Variants in MYO9B observed in about 807,000 individuals in gnomAD.
MYO9B encodes the protein myosin IXB.
MYO9B carries 71 observed loss-of-function variants against 229.5 expected under a neutral mutation model. The ratio of observed to expected loss-of-function variants is 0.31; its 90% CI spans 0.26 to 0.38. The LOEUF (loss-of-function observed/expected upper bound fraction) is 0.38. Among genes scored for constraint, MYO9B ranks in the 10% least tolerant of loss-of-function variants. The probability of loss-of-function intolerance (pLI) is 1.00; values close to 1 mark genes in which losing one functional copy is unlikely to be tolerated. For missense variants in MYO9B, 2,255 were observed against 2,920.5 expected, an observed-to-expected ratio of 0.77 and a Z score of 5.25; for synonymous variants, 1,185 against 1,235.8, an observed-to-expected ratio of 0.96 and a Z score of 0.86.
At position 17,212,471 on chromosome 19, in the gene MYO9B, AG is replaced by A. The variant is rs755539133; in HGVS notation, c.*164del. 362 of 888,892 alleles carry A rather than the reference AG, an allele frequency of 4.1e-4. No homozygotes were observed. Among genetic ancestry groups the A allele is most frequent in the Non-Finnish European group, 5.4e-4 (339 of 630,664 alleles). 55.1% of individuals were successfully genotyped at this position (888,892 alleles called of 1,614,324 possible). A position where few individuals can be genotyped will look rare whatever the true frequency, so the allele number is the denominator to read the frequency against. ...CCGGCCCCAAGTGCAGAGTCAAGGC[AG>A]GGAGAGGCCGGCTGGAGCCAGGCCC... is the stretch of plus-strand genomic sequence containing the variant. On this transcript the variant is annotated 3_prime_UTR_variant, in exon 40 of 40. Coordinates refer to ENST00000682292, the MANE Select transcript of MYO9B (RefSeq NM_004145.4). This position sits in a 1 kb window ranked among gnomAD's most constrained non-coding sequence, Gnocchi z 5.4.
At position 17,181,036 on chromosome 19, in the gene MYO9B, A is replaced by C. The variant is rs1171444204; in HGVS notation, c.2329A>C (p.Ile777Leu). 6.2e-7 allele frequency: 1 copy of C among 1,604,274 alleles called. No individual in the cohort carries two copies. The highest frequency in any genetic ancestry group is 1.3e-5 in the African/African-American group (1 of 74,578). The change falls in exon 15 of 40, where the codon ATC (isoleucine) becomes CTC (leucine). Residue 777 changes from isoleucine (I) to leucine (L), a missense_variant. By Grantham distance (5) the Ile-to-Leu change is conservative (BLOSUM62 2). This residue lies in a region of MYO9B where 155 missense variants were observed against 159.1 expected (regional missense o/e 0.97). Coordinates refer to ENST00000682292, the MANE Select transcript of MYO9B (RefSeq NM_004145.4). Reference sequence around the variant, plus strand: ...TCGGCTCCAGAAACCCCGCGCCTTCATCCTGTGAGTCCCCCACCAAGGCCC... The same window carrying C: ...TCGGCTCCAGAAACCCCGCGCCTTCCTCCTGTGAGTCCCCCACCAAGGCCC... Reference protein sequence around the residue: ...LSRLQKPRAFILKSKGIKQKQ... With the variant: ...LSRLQKPRAFLLKSKGIKQKQ...
At chr19:17,148,445 T>A (rs772065900) in intron 3 of MYO9B, among the ~76,000 whole-genome samples, 2 of 152,196 alleles carry the variant, frequency 1.3e-5, no homozygotes, top group Non-Finnish European at 2.9e-5. Flanking sequence ...TATCAAGGTG[T>A]CCACAGGGCT....
Position 17,183,834 on chromosome 19 carries a change from G to T in MYO9B, c.2339G>T (p.Ser780Ile). 1 of 1,570,138 alleles carries T rather than the reference G, an allele frequency of 6.4e-7. No individual in the cohort carries two copies. The change falls in exon 16 of 40, where the codon AGT becomes ATT. Residue 780 changes from serine to isoleucine, a missense_variant. Ser to Ile is a moderately radical substitution (Grantham distance 142). Around this residue, in one of 7 missense-constraint regions of MYO9B, gnomAD observed 155 missense variants for 159.1 expected, o/e 0.97. Transcript: ENST00000682292. ...CATTTTTAATATTTTGACAGGAAAA[G>T]TAAAGGTATCAAACAAAAGCAGATC... is the stretch of plus-strand genomic sequence containing the variant. The part of the protein sequence containing the change: ...LQKPRAFILK[S>I]KGIKQKQIIP...
At chr19:17,188,838 C>G (rs1389331693) in intron 19 of MYO9B, among the ~76,000 whole-genome samples, 1 of 151,962 alleles carries the variant, frequency 6.6e-6, no homozygotes, top group Non-Finnish European at 1.5e-5. Context: ...CATAGTGAGA[C>G]CCCATCTCTG....
intron 2 of MYO9B, among the ~76,000 whole-genome samples, chr19:17,137,960 G>A (rs996535429): frequency 6.7e-5 from 10 of 149,890 alleles, no homozygotes; most frequent in South Asian, 6.3e-4. Context: ...GTGCAGTTTC[G>A]TTACATAGGT....
Position 17,195,243 on chromosome 19 carries a change from C to T in MYO9B, c.3816C>T (p.Pro1272=), listed in dbSNP as rs372613731. 998 of 1,612,384 alleles carry T rather than the reference C, an allele frequency of 6.2e-4. 15 individuals are homozygous for T. In the South Asian group the frequency reaches 0.01, roughly 17 times the overall value. Residue 1272 remains proline (P), a synonymous_variant, in exon 22 of 40, where the codon CCC becomes CCT. Transcript: ENST00000682292. This position sits in a 1 kb window ranked among gnomAD's most constrained non-coding sequence, Gnocchi z 4.5. ...CCCCTGGCAGCGCCCCCGAGACCCC[C>T]GAGGACAAGAGCAAACCATGTGGCA... ...PPAPGSAPET[P]EDKSKPCGSP...
At chr19:17,132,200 T>TG in intron 2 of MYO9B, among the ~76,000 whole-genome samples, 1 of 141,986 alleles carries the variant, frequency 7.0e-6, no homozygotes, top group African/African-American at 2.6e-5. Flanking sequence ...TTTTTTTTTT[T>TG]TTTGAGACAG....
chr19:17,211,701 G>A lies in MYO9B; in HGVS notation c.5985G>A (p.Glu1995=), dbSNP rs374173078. ...TGGACCCAAGGGGCTCGGACGAGGA[G>A]AACCTGGACTCGGAGACGTCGGCCA... is the stretch of plus-strand genomic sequence containing the variant. ...PELDPRGSDE[E]NLDSETSAST... The change falls in exon 39 of 40, where the codon GAG becomes GAA. Residue 1995 remains glutamate, a synonymous_variant. Coordinates refer to ENST00000682292, the MANE Select transcript of MYO9B (RefSeq NM_004145.4). The A allele has an allele frequency of 5.7e-5, 92 of 1,612,506 alleles. No individual in the cohort carries two copies. Among genetic ancestry groups the A allele is most frequent in the Middle Eastern group, 4.9e-4 (3 of 6,078 alleles).
In MYO9B at chr19:17,078,496, C is replaced by T. The variant is rs189461787; in HGVS notation, c.-59+2622C>T. Among the ~76,000 whole-genome samples the T allele has an allele frequency of 1.6e-3, 237 of 152,120 alleles. 2 individuals carry two copies. The highest frequency in any genetic ancestry group is 1.9e-4 in the East Asian group (1 of 5,172). ...CGGAGTTTGCAGCCAGCCAAGATTGCGCCATTGCACTCCAGTCTGGGTGAC... is the reference window on the plus strand; with the variant it reads ...CGGAGTTTGCAGCCAGCCAAGATTGTGCCATTGCACTCCAGTCTGGGTGAC... On this transcript the variant is annotated intron_variant, in intron 1 of 39. Coordinates refer to ENST00000682292, the MANE Select transcript of MYO9B (RefSeq NM_004145.4).
intron 2 of MYO9B, among the ~76,000 whole-genome samples, chr19:17,121,463 A>ATATATCTATATATATATATATATATC (rs1030275525): frequency 1.3e-5 from 2 of 150,002 alleles, no homozygotes; most frequent in African/African-American, 5.0e-5. Flanking sequence ...ATATATATAT[A>ATATATCTATATATATATATATATATC]TCCAAGAGCT....
At chr19:17,186,215 A>G (rs1447093971) in intron 18 of MYO9B, among the ~76,000 whole-genome samples, 2 of 152,140 alleles carry the variant, frequency 1.3e-5, no homozygotes, top group African/African-American at 4.8e-5. Flanking sequence ...GGCCCAGAGA[A>G]GGTTTGATTA....
chr19:17,137,344 A>G (rs2072283574), intron 2 of MYO9B, among the ~76,000 whole-genome samples: 1 of 151,828 alleles, frequency 6.6e-6, no homozygotes, highest in African/African-American at 2.4e-5. Flanking sequence ...GCAGTGAGCT[A>G]TGGTCGCACC....
Position 17,172,840 on chromosome 19 carries a change from G to A in MYO9B, c.2017G>A (p.Glu673Lys). The change falls in exon 13 of 40, where the codon GAG (glutamate) becomes AAG (lysine). Residue 673 changes from glutamate to lysine, a missense_variant. Coordinates refer to ENST00000682292, the MANE Select transcript of MYO9B (RefSeq NM_004145.4). This position sits in a 1 kb window ranked among gnomAD's most constrained non-coding sequence, Gnocchi z 8.2. ...GGGCAGTGACAGCTCCTACGTGCGG[G>A]AGCTCATCGGCATGGACCCCGTGGC... ...LRGSDSSYVR[E>K]LIGMDPVAVF... 6.2e-7 allele frequency: 1 copy of A among 1,611,482 alleles called. No individual in the cohort carries two copies. Among genetic ancestry groups the A allele is most frequent in the Middle Eastern group, 1.6e-4 (1 of 6,062 alleles).
chr19:17,082,372 T>G (rs986059912), intron 1 of MYO9B, among the ~76,000 whole-genome samples: 2 of 152,146 alleles, frequency 1.3e-5, no homozygotes, highest in Non-Finnish European at 2.9e-5. Flanking sequence ...CTGGGTCTTC[T>G]GCCTGCGAGG....
chr19:17,208,353 A>AAAAAAAGCAACT lies in MYO9B; in HGVS notation c.5624+1110_5624+1111insAAAAAGCAACTA, dbSNP rs74332276. ...GACTCCGTCTCAAAAAAAAAAAAAA[A>AAAAAAAGCAACT]ATCCAGATGGCAGTGGCCCCAGCAG... On this transcript the variant is annotated intron_variant, in intron 35 of 39. Coordinates refer to ENST00000682292, the MANE Select transcript of MYO9B (RefSeq NM_004145.4). 7.2e-4 allele frequency among the ~76,000 whole-genome samples: 90 copies of AAAAAAAGCAACT among 124,606 alleles called. 10 individuals carry two copies. Among genetic ancestry groups the AAAAAAAGCAACT allele is most frequent in the African/African-American group, 2.8e-3 (87 of 31,082 alleles). 81.7% of individuals were successfully genotyped at this position (124,606 alleles called of 152,430 possible). A position where few individuals can be genotyped will look rare whatever the true frequency, so the allele number is the denominator to read the frequency against.
intron 2 of MYO9B, among the ~76,000 whole-genome samples, chr19:17,128,033 C>T (rs962380480): frequency 3.3e-5 from 5 of 152,070 alleles, no homozygotes; most frequent in African/African-American, 1.2e-4. Context: ...TCCAACCCTC[C>T]CCCTGGCCAC....
chr19:17,191,428 G>A (rs879351145), intron 20 of MYO9B, among the ~76,000 whole-genome samples: 2 of 152,276 alleles, frequency 1.3e-5, no homozygotes, highest in East Asian at 3.9e-4. Context: ...AGGGCTCAGC[G>A]ACTCCCTCCG....
At chr19:17,154,219 T>C in intron 5 of MYO9B, 96 bp from the exon 6 acceptor site, 2 of 1,377,770 alleles carry the variant, frequency 1.5e-6, no homozygotes, top group Non-Finnish European at 2.0e-6. Flanking sequence ...CCCCTGGTCC[T>C]GGGGCCCTGC....
chr19:17,098,717 C>T (rs2057715958), intron 1 of MYO9B, among the ~76,000 whole-genome samples: 1 of 152,060 alleles, frequency 6.6e-6, no homozygotes, highest in African/African-American at 2.4e-5. Flanking sequence ...TCATTTGAGC[C>T]CAGGAGTTTG....
Sources: gnomAD v4.1 joint callset for allele counts (sites outside exome capture counted in the v4.1 genomes callset) on GRCh38, gnomAD v4.1.1 for gene constraint, gnomAD v4.1.1 regional missense constraint, Gnocchi (gnomAD v3.1) non-coding constraint, MANE v1.5 for transcripts, NCBI Gene and HGNC (gene_info 2026-07-23, HGNC 2026-07-21) for gene names.